C2CD3: variants seen among roughly 807,000 people sequenced by gnomAD.
C2CD3 encodes C2 domain-containing protein 3.
In C2CD3, 148 loss-of-function variants were observed where a neutral mutation model predicts 234.0. The observed-to-expected ratio is 0.63, with a 90% confidence interval of 0.55 to 0.72. The LOEUF (loss-of-function observed/expected upper bound fraction) is 0.72. C2CD3 is among the 30% of genes least tolerant of loss of function. The pLI, the probability that C2CD3 is intolerant of heterozygous loss-of-function variation, is 0.00. For synonymous variants in C2CD3, 1,000 were observed against 1,035.4 expected (o/e 0.97, Z 0.66); for missense variants, 2,577 against 2,811.5 (o/e 0.92, Z 1.89).
intron 23 of C2CD3, among the ~76,000 whole-genome samples, chr11:74,077,723 C>T (rs1430400837): frequency 7.4e-6 from 1 of 134,540 alleles, no homozygotes; most frequent in Non-Finnish European, 1.6e-5. Context: ...CACATGTATA[C>T]CTATGTAATA....
chr11:74,104,958 T>A (rs1159105587), intron 13 of C2CD3, among the ~76,000 whole-genome samples: 4 of 152,202 alleles, frequency 2.6e-5, no homozygotes, highest in South Asian at 2.1e-4. Flanking sequence ...ATAACTTGGA[T>A]AGCAAGAGTA....
chr11:74,049,946 A>G (rs1008347776), intron 26 of C2CD3, among the ~76,000 whole-genome samples: 1 of 151,978 alleles, frequency 6.6e-6, no homozygotes, highest in African/African-American at 2.4e-5. Flanking sequence ...ATGCCCAGCT[A>G]ATTTTTAATT....
chr11:74,132,876 A>T lies in C2CD3; in HGVS notation c.1185T>A (p.Ala395=), dbSNP rs1476755423. Reference sequence around the variant, plus strand: ...ATAGCAGCTGTATAGCTCTGGTATCAGCTTTTGTGTCATGTCTCCAAAATG... The same window carrying T: ...ATAGCAGCTGTATAGCTCTGGTATCTGCTTTTGTGTCATGTCTCCAAAATG... The part of the protein sequence containing the change: ...ENTFWRHDTK[A]DTRAIQLLLG... Residue 395 remains alanine (A), a synonymous_variant, in exon 7 of 33, where the codon GCT becomes GCA. Coordinates refer to ENST00000334126, the MANE Select transcript of C2CD3 (RefSeq NM_001286577.2). 1 of 1,614,008 alleles carries T rather than the reference A, an allele frequency of 6.2e-7. No individual in the cohort carries two copies. Among genetic ancestry groups the T allele is most frequent in the South Asian group, 1.1e-5 (1 of 91,074 alleles).
chr11:74,046,291 A>G (rs1468713249), intron 28 of C2CD3, among the ~76,000 whole-genome samples: 2 of 152,072 alleles, frequency 1.3e-5, no homozygotes, highest in Non-Finnish European at 2.9e-5. Context: ...TTCTGTCACT[A>G]TAGGTTAGGA....
chr11:74,085,020 G>C, intron 21 of C2CD3, 50 bp from the exon 22 acceptor site: 1 of 1,053,326 alleles, frequency 9.5e-7, no homozygotes, highest in South Asian at 1.3e-5. Context: ...TATTCATCAA[G>C]GGGCTAGTTT....
Position 74,117,291 on chromosome 11 carries a change from C to G in C2CD3, c.1520+937G>C, listed in dbSNP as rs565400497. 5.6e-4 allele frequency among the ~76,000 whole-genome samples: 69 copies of G among 124,052 alleles called. 1 individual carries two copies. Among genetic ancestry groups the G allele is most frequent in the African/African-American group, 2.0e-3 (65 of 32,594 alleles). The allele number at this position is 124,052 out of a possible 152,430, so 81.4% of individuals were successfully genotyped here. ...CTCCAGCCTGGGCAACATAGTGAGACCCCGTCTCAAAAAAAAAAAAGTAGT... is the reference window on the plus strand; with the variant it reads ...CTCCAGCCTGGGCAACATAGTGAGAGCCCGTCTCAAAAAAAAAAAAGTAGT... On this transcript the variant is annotated intron_variant, in intron 9 of 32. Coordinates refer to ENST00000334126, the MANE Select transcript of C2CD3 (RefSeq NM_001286577.2).
In C2CD3 at chr11:74,124,792, C is replaced by T. The variant is rs191774331; in HGVS notation, c.1218-1657G>A. Among the ~76,000 whole-genome samples the T allele has an allele frequency of 1.1e-3, 160 of 152,228 alleles. 1 individual carries two copies. Among genetic ancestry groups the T allele is most frequent in the African/African-American group, 3.6e-3 (151 of 41,538 alleles). On this transcript the variant is annotated intron_variant, in intron 7 of 32. Transcript: ENST00000334126. ...ACATATACACTCCCCTTTGTATACC[C>T]TTAAAGTTATGAAAATTTTTCCAGT...
rs377255288 is a variant in C2CD3 at position 74,099,910 on chromosome 11, AG to A, written c.2732+614del. Among the ~76,000 whole-genome samples the A allele has an allele frequency of 2.4e-3, 365 of 149,674 alleles. 2 individuals carry two copies. The highest frequency in any genetic ancestry group is 8.6e-3 in the African/African-American group (350 of 40,482). Reference sequence around the variant, plus strand: ...GACTCCGTCTCAAAAAAAAAAAAAAAGAAAAACAACAAAAAAGAAACAGTTT... The same window carrying A: ...GACTCCGTCTCAAAAAAAAAAAAAAAAAAAACAACAAAAAAGAAACAGTTT... On this transcript the variant is annotated intron_variant, in intron 15 of 32. Coordinates refer to ENST00000334126, the MANE Select transcript of C2CD3 (RefSeq NM_001286577.2).
At chr11:74,064,751 C>A (rs1430798242) in intron 24 of C2CD3, among the ~76,000 whole-genome samples, 1 of 152,034 alleles carries the variant, frequency 6.6e-6, no homozygotes, top group Non-Finnish European at 1.5e-5. Context: ...AGAATAGAGC[C>A]CTCGGAAATA....
At chr11:74,029,258 C>G (rs1312790772) in intron 31 of C2CD3, among the ~76,000 whole-genome samples, 2 of 152,128 alleles carry the variant, frequency 1.3e-5, no homozygotes, top group African/African-American at 4.8e-5. Flanking sequence ...TTTTTTGTTT[C>G]TGTTTAATAA....
chr11:74,075,466 G>A (rs73559810), intron 23 of C2CD3, among the ~76,000 whole-genome samples: 2,663 of 152,208 alleles, frequency 0.017, 81 homozygotes, highest in African/African-American at 0.061. Flanking sequence ...GAATCTCAGA[G>A]GAGTTAAATA....
Position 74,103,534 on chromosome 11 carries a change from G to A in C2CD3, c.2177C>T (p.Pro726Leu). ...TGGTAGTGCCTTATTTGGACTTGTA[G>A]GAGCACAAAGTGGGGTATAATGGGT... ...GNTHYTPLCA[P>L]TSPNKALPEL... The change falls in exon 14 of 33, where the codon CCT becomes CTT. Residue 726 changes from proline (P) to leucine (L), a missense_variant. Transcript: ENST00000334126. The A allele has an allele frequency of 1.2e-6, 2 of 1,614,072 alleles. No homozygotes were observed. Among genetic ancestry groups the A allele is most frequent in the Non-Finnish European group, 1.7e-6 (2 of 1,180,016 alleles).
Position 74,170,775 on chromosome 11 carries a change from G to A in C2CD3, c.18C>T (p.Gly6=), listed in dbSNP as rs1201993781. The change falls in exon 1 of 33, where the codon GGC becomes GGT. Residue 6 remains glycine, a synonymous_variant. Transcript: ENST00000334126. Reference sequence around the variant, plus strand: ...GCCCACGGCTGCCCCCAGACCCTTGGCCTTTTCGTTGTTTCATGATGAGCC... The same window carrying A: ...GCCCACGGCTGCCCCCAGACCCTTGACCTTTTCGTTGTTTCATGATGAGCC... MKQRK[G]QGSGGSRGRK... 6.2e-7 allele frequency: 1 copy of A among 1,614,098 alleles called. No individual in the cohort carries two copies. Among genetic ancestry groups the A allele is most frequent in the East Asian group, 2.2e-5 (1 of 44,874 alleles).
intron 9 of C2CD3, among the ~76,000 whole-genome samples, chr11:74,115,186 A>G (rs902516153): frequency 1.3e-5 from 2 of 151,838 alleles, no homozygotes; most frequent in Non-Finnish European, 2.9e-5. Flanking sequence ...AATACTATAT[A>G]GATATATACA....
intron 3 of C2CD3, among the ~76,000 whole-genome samples, chr11:74,155,448 A>T (rs143324753): frequency 3.8e-4 from 58 of 152,366 alleles, no homozygotes; most frequent in African/African-American, 1.4e-3. Flanking sequence ...AAGAACTTAT[A>T]TATGAATGCT....
At chr11:74,055,499 C>T (rs1953912177) in intron 25 of C2CD3, among the ~76,000 whole-genome samples, 1 of 152,204 alleles carries the variant, frequency 6.6e-6, no homozygotes, top group African/African-American at 2.4e-5. Context: ...ATTCCCCAAA[C>T]ACCCCTGGGG....
At chr11:74,049,657 G>T in intron 26 of C2CD3, 115 bp from the exon 27 acceptor site, 2 of 755,862 alleles carry the variant, frequency 2.6e-6, no homozygotes, top group Non-Finnish European at 4.3e-6. Flanking sequence ...TGATCCCAAA[G>T]CCATCAGAGA....
chr11:74,054,321 G>A (rs941408318), intron 26 of C2CD3, among the ~76,000 whole-genome samples: 5 of 151,092 alleles, frequency 3.3e-5, no homozygotes, highest in Admixed American at 6.6e-5. Flanking sequence ...ATGTGCTTGC[G>A]GTCCCCGCTA....
intron 30 of C2CD3, chr11:74,034,592 G>A: frequency 6.2e-7 from 1 of 1,613,512 alleles, no homozygotes; most frequent in Non-Finnish European, 8.5e-7. Context: ...CATGCTTCCA[G>A]TTACTTCAGT....
Sources: allele counts gnomAD v4.1 joint callset (sites outside exome capture counted in the v4.1 genomes callset), GRCh38; gene constraint gnomAD v4.1.1; transcripts MANE v1.5; gene names NCBI Gene and HGNC (gene_info 2026-07-23, HGNC 2026-07-21).